The following MMP26 variants were observed in gnomAD, a reference collection of about 807,000 sequenced individuals.
MMP26 encodes matrix metalloproteinase-26.
A neutral mutation model predicts 31.0 loss-of-function variants in MMP26; 33 were observed. The observed-to-expected ratio is 1.06, with a 90% CI of 0.81 to 1.42. The LOEUF (loss-of-function observed/expected upper bound fraction) is 1.42. MMP26 is among the 40% of genes most tolerant of loss of function. The pLI, the probability that MMP26 is intolerant of heterozygous loss-of-function variation, is 0.00. For missense variants in MMP26, 347 were observed against 316.1 expected (o/e 1.10, Z -0.74); for synonymous variants, 122 against 114.9 (o/e 1.06, Z -0.40).
chr11:4,982,835 G>A (rs148362187), intron 2 of MMP26, among the ~76,000 whole-genome samples: 75 of 152,296 alleles, frequency 4.9e-4, no homozygotes, highest in African/African-American at 1.8e-3. Context: ...GAAATGACCT[G>A]AGGTTCTAGG....
chr11:4,894,100 C>T (rs1248725210), intron 2 of MMP26, among the ~76,000 whole-genome samples: 1 of 151,822 alleles, frequency 6.6e-6, no homozygotes, highest in Non-Finnish European at 1.5e-5. Flanking sequence ...TTTATTTTAC[C>T]CCCAAATGCT....
intron 1 of MMP26, among the ~76,000 whole-genome samples, chr11:4,761,316 G>A (rs1054517432): frequency 6.6e-6 from 1 of 152,178 alleles, no homozygotes. Flanking sequence ...GTTTCTGATC[G>A]GAGAGCAGCC....
chr11:4,766,144 T>G (rs75448854), intron 1 of MMP26, among the ~76,000 whole-genome samples: 14,464 of 152,284 alleles, frequency 0.095, 917 homozygotes, highest in Non-Finnish European at 0.14. Context: ...CATAAAATGC[T>G]TGCTAATTTT....
At chr11:4,958,658 C>A (rs779403296) in intron 2 of MMP26, among the ~76,000 whole-genome samples, 2 of 152,092 alleles carry the variant, frequency 1.3e-5, no homozygotes, top group African/African-American at 2.4e-5. Flanking sequence ...TCTCCTGTAT[C>A]TTTTCTCTTT....
At chr11:4,902,065 T>A (rs2133559709) in intron 2 of MMP26, among the ~76,000 whole-genome samples, 1 of 152,314 alleles carries the variant, frequency 6.6e-6, no homozygotes, top group Admixed American at 6.5e-5. Context: ...GAGTCCACAG[T>A]AGTCCTCCAT....
At chr11:4,820,325 G>T (rs1440398554) in intron 2 of MMP26, among the ~76,000 whole-genome samples, 2 of 152,074 alleles carry the variant, frequency 1.3e-5, no homozygotes, top group Admixed American at 6.6e-5. Context: ...ATAATGATTG[G>T]ATCATATTAT....
chr11:4,827,257 A>T (rs1218042610), intron 2 of MMP26, among the ~76,000 whole-genome samples: 5 of 152,190 alleles, frequency 3.3e-5, no homozygotes, highest in Non-Finnish European at 7.4e-5. Flanking sequence ...CAGAAAATGC[A>T]GTCACCTCAG....
At chr11:4,788,028 C>T (rs987949158) in intron 2 of MMP26, among the ~76,000 whole-genome samples, 2 of 152,172 alleles carry the variant, frequency 1.3e-5, no homozygotes, top group African/African-American at 2.4e-5. Flanking sequence ...ATCCCATGCT[C>T]TTCCTGGATA....
chr11:4,714,920 TCACACACACACACACACACA>T (rs66913726), intron 1 of MMP26, among the ~76,000 whole-genome samples: 1 of 141,696 alleles, frequency 7.1e-6, no homozygotes, highest in Non-Finnish European at 1.5e-5. Context: ...TCTCTCTCTC[TCACACACACACACACACACA>T]CACACACACA....
At chr11:4,891,782 A>G (rs1850626968) in intron 2 of MMP26, among the ~76,000 whole-genome samples, 1 of 152,182 alleles carries the variant, frequency 6.6e-6, no homozygotes. Context: ...CTATAGCTCA[A>G]CATACACTTT....
chr11:4,954,173 T>A (rs2034833), intron 2 of MMP26, among the ~76,000 whole-genome samples: 78,011 of 123,130 alleles, frequency 0.63, 32,147 homozygotes, highest in South Asian at 0.79. Flanking sequence ...TAGCGAATCT[T>A]TTATAAGGCA....
intron 2 of MMP26, among the ~76,000 whole-genome samples, chr11:4,956,258 T>G (rs1387058055): frequency 6.6e-6 from 1 of 152,182 alleles, no homozygotes; most frequent in Non-Finnish European, 1.5e-5. Context: ...ATTGCTGAAT[T>G]TATCTGCCAC....
intron 2 of MMP26, among the ~76,000 whole-genome samples, chr11:4,906,800 A>T (rs1312697195): frequency 6.6e-6 from 1 of 152,132 alleles, no homozygotes; most frequent in Non-Finnish European, 1.5e-5. Flanking sequence ...TAAACATCTT[A>T]AAAAGTAGGG....
intron 2 of MMP26, chr11:4,821,401 C>T: frequency 1.9e-6 from 3 of 1,613,318 alleles, no homozygotes; most frequent in Non-Finnish European, 8.5e-7. Context: ...TGAAACATCC[C>T]TGTCTTCTCA....
At chr11:4,784,656 A>G (rs914415319) in intron 2 of MMP26, among the ~76,000 whole-genome samples, 46 of 152,152 alleles carry the variant, frequency 3.0e-4, no homozygotes, top group Non-Finnish European at 5.9e-4. Context: ...GATTCTTTGG[A>G]GAGTGTGTGG....
chr11:4,795,595 A>G (rs1849094888), intron 2 of MMP26, among the ~76,000 whole-genome samples: 1 of 152,226 alleles, frequency 6.6e-6, no homozygotes, highest in Non-Finnish European at 1.5e-5. Context: ...AAGAATAAGC[A>G]TTTCAAAGGT....
In MMP26 at chr11:4,869,359, A is replaced by G. The variant is rs187686007; in HGVS notation, c.-145+102018A>G. 8.0e-3 allele frequency among the ~76,000 whole-genome samples: 1,219 copies of G among 152,330 alleles called. 18 individuals carry two copies. Among genetic ancestry groups the G allele is most frequent in the African/African-American group, 0.029 (1,185 of 41,572 alleles). The stretch of plus-strand genomic sequence containing the variant: ...TATCCAGAATCTACAAAGAACTTAA[A>G]CAAATTTACAAGAAAAAATAAAACA... On this transcript the variant is annotated intron_variant, in intron 2 of 7. Coordinates refer to ENST00000380390, the MANE Select transcript of MMP26 (RefSeq NM_021801.5).
intron 2 of MMP26, among the ~76,000 whole-genome samples, chr11:4,927,407 A>G (rs1209025765): frequency 6.6e-6 from 1 of 152,184 alleles, no homozygotes; most frequent in East Asian, 1.9e-4. Context: ...AATAAACAAA[A>G]TGATAAACAT....
chr11:4,788,899 C>G (rs1848983903), intron 2 of MMP26, among the ~76,000 whole-genome samples: 1 of 152,106 alleles, frequency 6.6e-6, no homozygotes, highest in Admixed American at 6.5e-5. Flanking sequence ...TACAAGGGGA[C>G]CACAGCTATG....
Sources: gnomAD v4.1 joint callset for allele counts (sites outside exome capture counted in the v4.1 genomes callset) on GRCh38, gnomAD v4.1.1 for gene constraint, MANE v1.5 for transcripts, NCBI Gene and HGNC (gene_info 2026-07-23, HGNC 2026-07-21) for gene names.